The following GRHL2 variants were observed in gnomAD, a reference collection of about 807,000 sequenced individuals.
GRHL2 encodes the protein grainyhead-like protein 2 homolog.
A neutral mutation model predicts 83.8 loss-of-function variants in GRHL2; 21 were observed. That is an observed-to-expected ratio of 0.25 (90% confidence interval 0.18 to 0.36). GRHL2 has a LOEUF of 0.36. Among genes scored for constraint, GRHL2 ranks in the 10% least tolerant of loss-of-function variants. GRHL2 has a pLI of 1.00. For missense variants in GRHL2, 623 were observed against 781.8 expected, an observed-to-expected ratio of 0.80 and a Z score of 2.42; for synonymous variants, 280 against 278.9, an observed-to-expected ratio of 1.00 and a Z score of -0.04.
At chr8:101,551,774 G>A (rs1023947184) in intron 2 of GRHL2, among the ~76,000 whole-genome samples, 3 of 149,816 alleles carry the variant, frequency 2.0e-5, no homozygotes, top group African/African-American at 7.4e-5. Context: ...AGACAGAGCT[G>A]GTGGGATGGC....
At position 101,557,392 on chromosome 8, in the gene GRHL2, T is replaced by C. The variant is rs1811510889; in HGVS notation, c.285-1027T>C. 2.6e-5 allele frequency among the ~76,000 whole-genome samples: 4 copies of C among 151,870 alleles called. No individual in the cohort carries two copies. The South Asian group carries it at 8.3e-4, about 32-fold the overall frequency. On this transcript the variant is annotated intron_variant, in intron 3 of 15. Coordinates refer to ENST00000646743, the MANE Select transcript of GRHL2 (RefSeq NM_024915.4). ...GGCGCATGCCACTGTGCCTGGCTAA[T>C]TTTGTGTTTTTAGTAGAGATGGGGT...
At chr8:101,590,886 G>C (rs1393174846) in intron 7 of GRHL2, among the ~76,000 whole-genome samples, 2 of 152,146 alleles carry the variant, frequency 1.3e-5, no homozygotes, top group Non-Finnish European at 1.5e-5. Flanking sequence ...GCACCTTTCA[G>C]AAGAGAAGCA....
chr8:101,516,012 C>A (rs547062597), intron 1 of GRHL2, among the ~76,000 whole-genome samples: 2 of 152,242 alleles, frequency 1.3e-5, no homozygotes, highest in South Asian at 2.1e-4. Flanking sequence ...GGCTGACAGG[C>A]AGCAGAGATG....
chr8:101,599,507 C>T (rs1309218911), intron 8 of GRHL2, among the ~76,000 whole-genome samples: 6 of 152,214 alleles, frequency 3.9e-5, no homozygotes, highest in African/African-American at 1.4e-4. Flanking sequence ...GAGCTGATGT[C>T]TTCGTAGGTA....
At chr8:101,649,325 A>C (rs965817811) in intron 13 of GRHL2, 89 bp from the exon 14 acceptor site, 1 of 1,036,190 alleles carries the variant, frequency 9.7e-7, no homozygotes, top group Middle Eastern at 2.8e-4. Context: ...CCACTCTCCA[A>C]CACCTGTGTG....
At chr8:101,493,730 G>A (rs1586388023) in intron 1 of GRHL2, among the ~76,000 whole-genome samples, 1 of 152,094 alleles carries the variant, frequency 6.6e-6, no homozygotes, top group Non-Finnish European at 1.5e-5. Flanking sequence ...AAGGCCGAGG[G>A]CTCGGGGCGG....
intron 9 of GRHL2, among the ~76,000 whole-genome samples, chr8:101,621,364 A>C (rs1017010669): frequency 6.6e-6 from 1 of 152,224 alleles, no homozygotes; most frequent in South Asian, 2.1e-4. Context: ...AATTTGAAAA[A>C]ATCAACTTGA....
intron 7 of GRHL2, among the ~76,000 whole-genome samples, chr8:101,594,178 C>T (rs1017191600): frequency 4.6e-5 from 7 of 150,564 alleles, no homozygotes; most frequent in African/African-American, 9.8e-5. Flanking sequence ...GATCGGAGAT[C>T]GGAGTCACAC....
At chr8:101,656,885 C>T (rs1250332951) in intron 14 of GRHL2, among the ~76,000 whole-genome samples, 6 of 151,808 alleles carry the variant, frequency 4.0e-5, no homozygotes, top group Non-Finnish European at 8.8e-5. Flanking sequence ...CACACACACA[C>T]ACACACACAC....
chr8:101,632,029 A>C (rs1813196133), intron 10 of GRHL2, among the ~76,000 whole-genome samples, 197 bp from the exon 11 acceptor site: 1 of 152,134 alleles, frequency 6.6e-6, no homozygotes. Flanking sequence ...CTCGAGCTTC[A>C]CCTCAGCAGT....
intron 8 of GRHL2, among the ~76,000 whole-genome samples, chr8:101,608,066 G>T (rs961862834): frequency 6.6e-6 from 1 of 152,200 alleles, no homozygotes; most frequent in Admixed American, 6.5e-5. Flanking sequence ...TTGTGTGTGC[G>T]TGTGTACACA....
At chr8:101,678,515 G>A in the GRHL2 span, among the ~76,000 whole-genome samples, 8 of 152,276 alleles carry the variant, frequency 5.3e-5, no homozygotes, top group East Asian at 1.9e-4. Context: ...AGGGGCGCCC[G>A]CCATTGCCCA....
At chr8:101,653,173 A>G (rs899720594) in intron 14 of GRHL2, among the ~76,000 whole-genome samples, 20 of 152,182 alleles carry the variant, frequency 1.3e-4, no homozygotes, top group African/African-American at 4.6e-4. Context: ...CAAAGTCTCA[A>G]GACAAGAAGG....
chr8:101,654,995 C>T (rs1486638739), intron 14 of GRHL2, among the ~76,000 whole-genome samples: 2 of 152,026 alleles, frequency 1.3e-5, no homozygotes, highest in Non-Finnish European at 2.9e-5. Context: ...ACAGCCTGGC[C>T]AATATGGAGA....
At position 101,580,514 on chromosome 8, in the gene GRHL2, C is replaced by T. The variant is rs544998019; in HGVS notation, c.1003+2995C>T. ...AAGTGATCTGCCTGCCTCGGCCTCC[C>T]AAAGTGCTGGGATTACAGGCGAGAG... On this transcript the variant is annotated intron_variant, in intron 7 of 15. Coordinates refer to ENST00000646743, the MANE Select transcript of GRHL2 (RefSeq NM_024915.4). 3.6e-5 allele frequency among the ~76,000 whole-genome samples: 5 copies of T among 138,344 alleles called. No individual in the cohort carries two copies. In the South Asian group the frequency reaches 1.3e-3, roughly 37 times the overall value. 90.8% of individuals were successfully genotyped at this position (138,344 alleles called of 152,430 possible).
intron 8 of GRHL2, among the ~76,000 whole-genome samples, chr8:101,603,543 G>A (rs936111476): frequency 6.6e-6 from 1 of 152,136 alleles, no homozygotes; most frequent in African/African-American, 2.4e-5. Context: ...TTAAATTATA[G>A]GAAAACGTTT....
At chr8:101,620,984 A>G (rs1174417710) in intron 9 of GRHL2, among the ~76,000 whole-genome samples, 1 of 152,162 alleles carries the variant, frequency 6.6e-6, no homozygotes, top group Non-Finnish European at 1.5e-5. Context: ...AAAAAGGTGA[A>G]AAGGAAAGAG....
chr8:101,611,970 T>G (rs1306240012), intron 8 of GRHL2, among the ~76,000 whole-genome samples: 1 of 150,972 alleles, frequency 6.6e-6, no homozygotes, highest in Non-Finnish European at 1.5e-5. Flanking sequence ...GCTGCATTGT[T>G]GAGCTCTCTT....
At chr8:101,677,172 T>A in the GRHL2 span, among the ~76,000 whole-genome samples, 4 of 151,708 alleles carry the variant, frequency 2.6e-5, no homozygotes, top group Non-Finnish European at 5.9e-5. Context: ...TGTAACAAAC[T>A]TGCACATTGT....
Sources: gnomAD v4.1 joint callset for allele counts (sites outside exome capture counted in the v4.1 genomes callset) on GRCh38, gnomAD v4.1.1 for gene constraint, MANE v1.5 for transcripts, NCBI Gene and HGNC (gene_info 2026-07-23, HGNC 2026-07-21) for gene names.